The following VPS54 variants were observed in gnomAD, a reference collection of about 807,000 sequenced individuals.
The protein encoded by VPS54 is vacuolar protein sorting-associated protein 54.
A neutral mutation model predicts 121.5 loss-of-function variants in VPS54; 45 were observed. That is an observed-to-expected ratio of 0.37 (90% confidence interval 0.29 to 0.47). VPS54 has a LOEUF of 0.47. Among genes scored for constraint, VPS54 ranks in the 20% least tolerant of loss-of-function variants. The probability of loss-of-function intolerance (pLI) is 0.99; values close to 1 mark genes in which losing one functional copy is unlikely to be tolerated. For synonymous variants in VPS54, 371 were observed against 385.8 expected (o/e 0.96, Z 0.45); for missense variants, 1,090 against 1,131.4 (o/e 0.96, Z 0.52).
intron 2 of VPS54, among the ~76,000 whole-genome samples, chr2:63,982,455 T>C (rs1210275018): frequency 6.6e-6 from 1 of 152,220 alleles, no homozygotes; most frequent in African/African-American, 2.4e-5. Flanking sequence ...TTAGCAAATA[T>C]TGAACCACTG....
chr2:63,897,903 G>C (rs1282255982), intron 21 of VPS54, among the ~76,000 whole-genome samples: 1 of 152,042 alleles, frequency 6.6e-6, no homozygotes, highest in Non-Finnish European at 1.5e-5. Flanking sequence ...AGTTGGTAGG[G>C]GAAAAAATGT....
intron 20 of VPS54, among the ~76,000 whole-genome samples, chr2:63,911,100 G>A (rs1046605167): frequency 6.6e-6 from 1 of 152,096 alleles, no homozygotes. Flanking sequence ...AACCTTGTTA[G>A]ATGGTAAGCT....
chr2:63,904,868 C>T (rs1672840312), intron 20 of VPS54, among the ~76,000 whole-genome samples: 1 of 152,144 alleles, frequency 6.6e-6, no homozygotes, highest in Non-Finnish European at 1.5e-5. Flanking sequence ...CTGACCAAAA[C>T]AGAATTAGAC....
chr2:63,928,956 CAAG>C (rs1477823104), intron 12 of VPS54, among the ~76,000 whole-genome samples: 4 of 151,690 alleles, frequency 2.6e-5, no homozygotes, highest in Admixed American at 1.3e-4. Flanking sequence ...ATCAATTCAA[CAAG>C]AAGAACTAAC....
intron 5 of VPS54, among the ~76,000 whole-genome samples, chr2:63,967,381 C>T (rs184149683): frequency 6.6e-6 from 1 of 151,984 alleles, no homozygotes; most frequent in Non-Finnish European, 1.5e-5. Context: ...ATTAAAGAGA[C>T]CCCAATCTCA....
intron 1 of VPS54, among the ~76,000 whole-genome samples, 154 bp downstream of exon 1, chr2:64,018,784 C>G (rs1678835370): frequency 6.8e-6 from 1 of 147,844 alleles, no homozygotes; most frequent in Non-Finnish European, 1.5e-5. Context: ...CGGAGAGGAG[C>G]ATGGAAGCTT....
At chr2:63,965,759 C>A in intron 6 of VPS54, 76 bp downstream of exon 6, 1 of 1,556,260 alleles carries the variant, frequency 6.4e-7, no homozygotes. Context: ...TACTAAATAA[C>A]TAAATCTGAA....
rs142703074 is a variant in VPS54 at position 63,893,714 on chromosome 2, G to A, written c.2829-179C>T. ...ATGAATAAGTAGGCCATTTAATGCT[G>A]TACTTCAATAATAAATATTTGGAAA... On this transcript the variant is annotated intron_variant, in intron 22 of 22. Coordinates refer to ENST00000272322, the MANE Select transcript of VPS54 (RefSeq NM_016516.3). 8.6e-3 allele frequency among the ~76,000 whole-genome samples: 1,310 copies of A among 152,232 alleles called. 5 individuals are homozygous for A. Among genetic ancestry groups the A allele is most frequent in the Non-Finnish European group, 0.013 (851 of 68,018 alleles).
At chr2:64,018,093 AATTTATCACGGTATTACTTAAAGGC>A (rs1466932255) in intron 1 of VPS54, among the ~76,000 whole-genome samples, 1 of 152,246 alleles carries the variant, frequency 6.6e-6, no homozygotes, top group Non-Finnish European at 1.5e-5. Context: ...TACTACAAGT[AATTTATCACGGTATTACTTAAAGGC>A]GTTTAGTATT....
chr2:64,004,382 G>T (rs569718883), intron 1 of VPS54, among the ~76,000 whole-genome samples: 14 of 152,184 alleles, frequency 9.2e-5, no homozygotes, highest in African/African-American at 3.4e-4. Context: ...TTCTCATGGC[G>T]CCTAAGTATT....
At chr2:63,988,378 ATTG>A (rs1382776846) in intron 1 of VPS54, among the ~76,000 whole-genome samples, 6 of 152,136 alleles carry the variant, frequency 3.9e-5, no homozygotes, top group African/African-American at 1.4e-4. Context: ...AATATTTTTA[ATTG>A]TTGTTGAATT....
chr2:63,913,941 T>C (rs1673263965), intron 17 of VPS54: 2 of 1,294,612 alleles, frequency 1.5e-6, no homozygotes, highest in South Asian at 1.9e-5. Context: ...GAACAAATCA[T>C]CTCCTGTCTC....
Position 63,913,265 on chromosome 2 carries a change from G to A in VPS54, c.2380C>T (p.Leu794=), listed in dbSNP as rs775064086. ...ATCGTTTTTAGTCCAACAACTTGCA[G>A]TGCACCAGCTCCAAGAACTAACTGG... ...SCQLVLGAGA[L]QVVGLKTITT... Residue 794 remains leucine, a synonymous_variant, in exon 18 of 23, where the codon CTG becomes TTG. Transcript: ENST00000272322. 2.5e-6 allele frequency: 4 copies of A among 1,611,064 alleles called. No individual in the cohort carries two copies. In the East Asian group the frequency reaches 6.7e-5, roughly 27 times the overall value.
chr2:63,998,427 C>T (rs536777859), intron 1 of VPS54, among the ~76,000 whole-genome samples: 20 of 152,242 alleles, frequency 1.3e-4, no homozygotes, highest in African/African-American at 4.6e-4. Flanking sequence ...TGATAAGTAA[C>T]GACTTACTCC....
intron 1 of VPS54, among the ~76,000 whole-genome samples, chr2:63,992,619 A>G (rs1677382136): frequency 6.6e-6 from 1 of 152,226 alleles, no homozygotes; most frequent in African/African-American, 2.4e-5. Flanking sequence ...GTTTCTGAAC[A>G]GTTACAACTT....
intron 21 of VPS54, among the ~76,000 whole-genome samples, chr2:63,897,932 G>A (rs1575878536): frequency 1.3e-5 from 2 of 152,284 alleles, no homozygotes; most frequent in South Asian, 4.1e-4. Flanking sequence ...TAGAGGCAAA[G>A]ATACCTTCGT....
Position 63,913,287 on chromosome 2 carries a change from C to A in VPS54, c.2358G>T (p.Gln786His). ...LLKYFNSRSC[Q>H]LVLGAGALQV... ...GCAGTGCACCAGCTCCAAGAACTAA[C>A]TGGCAACTTCTTGAATTGAAGTACT... is the stretch of plus-strand genomic sequence containing the variant. The change falls in exon 18 of 23, where the codon CAG (glutamine) becomes CAT (histidine). Residue 786 changes from glutamine to histidine, a missense_variant. By Grantham distance (24) the Gln-to-His change is conservative. Around this residue, in one of 2 missense-constraint regions of VPS54, gnomAD observed 289 missense variants for 374.4 expected, o/e 0.77. Coordinates refer to ENST00000272322, the MANE Select transcript of VPS54 (RefSeq NM_016516.3). 6.2e-7 allele frequency: 1 copy of A among 1,610,498 alleles called. No individual in the cohort carries two copies.
At chr2:63,923,279 G>A (rs1407279432) in intron 12 of VPS54, among the ~76,000 whole-genome samples, 3 of 151,250 alleles carry the variant, frequency 2.0e-5, no homozygotes, top group Non-Finnish European at 4.4e-5. Context: ...TCGCACCACT[G>A]CACTCCAGCC....
intron 6 of VPS54, among the ~76,000 whole-genome samples, chr2:63,965,188 AAT>A (rs1156914475): frequency 6.6e-6 from 1 of 152,174 alleles, no homozygotes; most frequent in Non-Finnish European, 1.5e-5. Context: ...AAAATTAGCC[AAT>A]GTGGGGCTGG....
Sources: gnomAD v4.1 joint callset for allele counts (sites outside exome capture counted in the v4.1 genomes callset) on GRCh38, gnomAD v4.1.1 for gene constraint, gnomAD v4.1.1 regional missense constraint, MANE v1.5 for transcripts, NCBI Gene and HGNC (gene_info 2026-07-23, HGNC 2026-07-21) for gene names.